The following NME6 variants were observed in gnomAD, a reference collection of about 807,000 sequenced individuals.
The protein encoded by NME6 is nucleoside diphosphate kinase 6, mitochondrial.
A neutral mutation model predicts 22.2 loss-of-function variants in NME6; 16 were observed. The observed-to-expected ratio is 0.72, with a 90% CI of 0.49 to 1.09. The LOEUF (loss-of-function observed/expected upper bound fraction) is 1.09. Ranked by LOEUF, NME6 falls within the 50% of genes least tolerant of loss-of-function variation. The probability of loss-of-function intolerance (pLI) is 0.00; values close to 1 mark genes in which losing one functional copy is unlikely to be tolerated. For synonymous variants in NME6, 58 were observed against 85.2 expected (o/e 0.68, Z 1.76); for missense variants, 229 against 239.0 (o/e 0.96, Z 0.28).
intron 2 of NME6, 25 bp downstream of exon 2, chr3:48,298,402 G>T (rs765391620): frequency 6.3e-7 from 1 of 1,599,534 alleles, no homozygotes; most frequent in South Asian, 1.1e-5. Context: ...AGGGCATGCG[G>T]TAGAGACTTA....
rs2035404693 is a variant in NME6 at position 48,298,842 on chromosome 3, C to T, written c.-7-319G>A. The T allele has an allele frequency of 9.3e-6, 6 of 646,512 alleles. No homozygotes were observed. The East Asian group carries it at 1.6e-4, about 18-fold the overall frequency. 40.0% of individuals were successfully genotyped at this position (646,512 alleles called of 1,614,324 possible). The stretch of plus-strand genomic sequence containing the variant: ...CTACCTGTCTCTGCCAATATCCCTT[C>T]CTAACTTCCTTTTGTATTTTACAGA... On this transcript the variant is annotated intron_variant, in intron 1 of 5. Transcript: ENST00000442597.
chr3:48,298,869 G>A (rs1575328205), intron 1 of NME6: 3 of 670,164 alleles, frequency 4.5e-6, no homozygotes, highest in Middle Eastern at 2.4e-4. Flanking sequence ...TTTTACAGAG[G>A]ATTTACAATT....
downstream of NME6, among the ~76,000 whole-genome samples, chr3:48,290,516 T>A (rs1285553457): frequency 6.6e-6 from 1 of 152,198 alleles, no homozygotes; most frequent in East Asian, 1.9e-4. Context: ...TGTATAATAC[T>A]CTACTAACTA....
In NME6 at chr3:48,294,799, A is replaced by C; in HGVS notation, c.399T>G (p.Ser133=). The C allele has an allele frequency of 6.2e-7, 1 of 1,613,920 alleles. No individual in the cohort carries two copies. The highest frequency in any genetic ancestry group is 8.5e-7 in the Non-Finnish European group (1 of 1,179,826). ...DTRNTTHGSD[S]VVSASREIAA... ...CAATCTCTCTGCTGGCTGAAACCAC[A>C]GAGTCTGTAAGGGGAGATAAGACAG... The change falls in exon 6 of 6, where the codon TCT becomes TCG. Residue 133 remains serine, a synonymous_variant. Transcript: ENST00000442597.
At position 48,294,647 on chromosome 3, in the gene NME6, C is replaced by T. The variant is rs556625827; in HGVS notation, c.551G>A (p.Gly184Glu). The T allele has an allele frequency of 3.1e-6, 5 of 1,614,114 alleles. No individual in the cohort carries two copies. The Admixed American group carries it at 6.7e-5, about 22-fold the overall frequency. The change falls in exon 6 of 6, where the codon GGA (glycine) becomes GAA (glutamate). Residue 184 changes from glycine (G) to glutamate (E), a missense_variant. By Grantham distance (98) the Gly-to-Glu change is moderately conservative. Coordinates refer to ENST00000442597, the MANE Select transcript of NME6 (RefSeq NM_001308426.2). ...VHYVAGTGGLGPA is the reference protein window; with the variant it reads ...VHYVAGTGGLEPA ...CTTCATAGACCTGCATCAGGCTGGT[C>T]CTAGGCCTCCTGTTCCAGCTACATA...
At chr3:48,291,411 C>A, downstream of NME6, 1 of 374,702 alleles carries the variant, frequency 2.7e-6, no homozygotes, top group South Asian at 2.1e-5. Context: ...AAGACAGGGT[C>A]TCACTGTCAC....
downstream of NME6, chr3:48,287,659 G>A (rs1010334417): frequency 1.3e-5 from 2 of 152,142 alleles, no homozygotes; most frequent in African/African-American, 4.8e-5. Flanking sequence ...GTCTCTTGAT[G>A]ATCCAAGAAA....
At chr3:48,287,915 G>C (rs1308685910), downstream of NME6, among the ~76,000 whole-genome samples, 2 of 152,162 alleles carry the variant, frequency 1.3e-5, no homozygotes, top group Admixed American at 6.5e-5. Context: ...TTAACAGCTG[G>C]AGAGTGAGGA....
At chr3:48,299,076 C>G in intron 1 of NME6, 1 of 673,748 alleles carries the variant, frequency 1.5e-6, no homozygotes, top group Non-Finnish European at 2.7e-6. Context: ...AGATCAGGAT[C>G]TCCTGTGCCC....
chr3:48,298,329 C>T, intron 2 of NME6, 98 bp downstream of exon 2: 1 of 1,056,748 alleles, frequency 9.5e-7, no homozygotes, highest in Admixed American at 1.9e-5. Flanking sequence ...CAGCATCCAG[C>T]ACAAGTCTGT....
downstream of NME6, chr3:48,290,881 C>A: frequency 4.3e-6 from 1 of 231,546 alleles, no homozygotes. Flanking sequence ...CTCCAAGAAT[C>A]TTAGGATTCT....
chr3:48,296,222 C>T (rs757072246), intron 3 of NME6, 64 bp from the exon 4 acceptor site: 3 of 1,607,794 alleles, frequency 1.9e-6, no homozygotes, highest in Non-Finnish European at 2.6e-6. Flanking sequence ...ACTTTCTGTA[C>T]TTCTACCTCC....
Position 48,294,318 on chromosome 3 carries a change from T to C in NME6, c.*319A>G, listed in dbSNP as rs1134867. On this transcript the variant is annotated 3_prime_UTR_variant, in exon 6 of 6. Transcript: ENST00000442597. ...CGAATTCCTGACCTTGTGATCCGCC[T>C]GCCTCGGCCTCCCAAAGTGCTGGGA... is the stretch of plus-strand genomic sequence containing the variant. 76,934 of 205,358 alleles carry C rather than the reference T, an allele frequency of 0.37. 15,678 individuals are homozygous for C. Among genetic ancestry groups the C allele is most frequent in the African/African-American group, 0.53 (23,297 of 44,210 alleles). The allele number at this position is 205,358 out of a possible 1,614,324, so 12.7% of individuals were successfully genotyped here. A position where few individuals can be genotyped will look rare whatever the true frequency, so the allele number is the denominator to read the frequency against.
chr3:48,290,924 CTT>C, downstream of NME6: 1 of 257,860 alleles, frequency 3.9e-6, no homozygotes, highest in Middle Eastern at 1.5e-3. Context: ...GGCTACAACA[CTT>C]ATGCTGAGTA....
chr3:48,295,319 ACT>A, intron 4 of NME6, 84 bp from the exon 5 acceptor site: 4 of 1,419,930 alleles, frequency 2.8e-6, no homozygotes, highest in Non-Finnish European at 3.8e-6. Context: ...ATAAAAACAC[ACT>A]CTACGTTCTG....
At position 48,294,394 on chromosome 3, in the gene NME6, G is replaced by C; in HGVS notation, c.*243C>G. 1 of 421,740 alleles carries C rather than the reference G, an allele frequency of 2.4e-6. No homozygotes were observed. The highest frequency in any genetic ancestry group is 4.4e-6 in the Non-Finnish European group (1 of 229,734). 26.1% of individuals were successfully genotyped at this position (421,740 alleles called of 1,614,324 possible). On this transcript the variant is annotated 3_prime_UTR_variant, in exon 6 of 6. Transcript: ENST00000442597. The stretch of plus-strand genomic sequence containing the variant: ...GCCTGGCAAGCTTCTTCTTGAAGAA[G>C]GATGAACAGTTCTCAGCAAAGAGGA...
chr3:48,301,132 C>T (rs2035653341), intron 1 of NME6: 1 of 780,268 alleles, frequency 1.3e-6, no homozygotes, highest in Non-Finnish European at 2.0e-6. Context: ...GGGCGGCGGC[C>T]CAGCCCTGGT....
In NME6 at chr3:48,292,606, A is replaced by G. The variant is rs1040939960; in HGVS notation, c.*2031T>C. On this transcript the variant is annotated 3_prime_UTR_variant, in exon 6 of 6. Coordinates refer to ENST00000442597, the MANE Select transcript of NME6 (RefSeq NM_001308426.2). The stretch of plus-strand genomic sequence containing the variant: ...ACTCTTGTTGCCCAGGCTGGAGTGC[A>G]ACGGCGTGATCTTGGCTCACCACAA... The G allele has an allele frequency of 7.9e-5, 12 of 152,058 alleles. No homozygotes were observed. The highest frequency in any genetic ancestry group is 2.9e-4 in the African/African-American group (12 of 41,356). The allele number at this position is 152,058 out of a possible 1,614,324, so 9.4% of individuals were successfully genotyped here.
At chr3:48,296,673 C>A (rs1320924453) in intron 3 of NME6, 54 bp downstream of exon 3, 4 of 1,267,346 alleles carry the variant, frequency 3.2e-6, no homozygotes, top group Admixed American at 1.9e-5. Context: ...TAAAATCTCT[C>A]TTATGGCCTC....
Sources: gnomAD v4.1 joint callset for allele counts (sites outside exome capture counted in the v4.1 genomes callset) on GRCh38, gnomAD v4.1.1 for gene constraint, MANE v1.5 for transcripts, NCBI Gene and HGNC (gene_info 2026-07-23, HGNC 2026-07-21) for gene names.